Variants in RAE1 observed in about 807,000 individuals in gnomAD.
RAE1 encodes ribonucleic acid export 1.
RAE1 carries 13 observed loss-of-function variants against 52.7 expected under a neutral mutation model. The observed-to-expected ratio is 0.25, with a 90% CI of 0.16 to 0.39. RAE1 has a LOEUF of 0.39. RAE1 is among the 10% of genes least tolerant of loss of function. The probability of loss-of-function intolerance (pLI) is 1.00; values close to 1 mark genes in which losing one functional copy is unlikely to be tolerated. For synonymous variants in RAE1, 164 were observed against 153.1 expected (o/e 1.07, Z -0.52); for missense variants, 262 against 459.8 (o/e 0.57, Z 3.93).
intron 11 of RAE1, 191 bp downstream of exon 11, chr20:57,374,992 G>A: frequency 1.4e-6 from 1 of 736,922 alleles, no homozygotes; most frequent in Non-Finnish European, 2.4e-6. Flanking sequence ...ACAGCCTTTG[G>A]CCAGAACCCA....
intron 1 of RAE1, among the ~76,000 whole-genome samples, chr20:57,353,625 G>A (rs186251509): frequency 6.6e-6 from 1 of 152,350 alleles, no homozygotes; most frequent in Non-Finnish European, 1.5e-5. Flanking sequence ...TGAAAGCACG[G>A]GGACCTGCGA....
chr20:57,370,963 T>C (rs2067027660), intron 8 of RAE1, among the ~76,000 whole-genome samples: 1 of 152,170 alleles, frequency 6.6e-6, no homozygotes, highest in African/African-American at 2.4e-5. Context: ...TCCATCTCCT[T>C]TGTTATAGCC....
At chr20:57,375,397 C>T (rs1333767419) in intron 11 of RAE1, among the ~76,000 whole-genome samples, 1 of 152,116 alleles carries the variant, frequency 6.6e-6, no homozygotes, top group Non-Finnish European at 1.5e-5. Flanking sequence ...CCCACAACAG[C>T]CTTCTAGACT....
At chr20:57,368,296 C>T (rs1260517138) in intron 7 of RAE1, among the ~76,000 whole-genome samples, 2 of 152,126 alleles carry the variant, frequency 1.3e-5, no homozygotes, top group Non-Finnish European at 2.9e-5. Context: ...TTAGAAGCCA[C>T]TGCTAGTACT....
chr20:57,363,394 T>G lies in RAE1; in HGVS notation c.289-1962T>G, dbSNP rs541230074. On this transcript the variant is annotated intron_variant, in intron 4 of 11. Coordinates refer to ENST00000395841, the MANE Select transcript of RAE1 (RefSeq NM_003610.4). The stretch of plus-strand genomic sequence containing the variant: ...CGGGTTTGGTGGCGCACACCTGTAG[T>G]CCCAGCTACTTGGGAGACTGAGGCA... 6.6e-5 allele frequency among the ~76,000 whole-genome samples: 10 copies of G among 152,188 alleles called. No individual in the cohort carries two copies. The South Asian group carries it at 2.1e-3, about 32-fold the overall frequency.
intron 11 of RAE1, 40 bp from the exon 12 acceptor site, chr20:57,377,973 T>C: frequency 6.8e-7 from 1 of 1,477,654 alleles, no homozygotes; most frequent in South Asian, 1.2e-5. Flanking sequence ...CTAACTTTCT[T>C]TTGAATAATA....
In RAE1 at chr20:57,368,695, C is replaced by T. The variant is rs1232706688; in HGVS notation, c.535-10C>T. The T allele has an allele frequency of 5.7e-6, 9 of 1,592,014 alleles. No homozygotes were observed. The highest frequency in any genetic ancestry group is 1.7e-5 in the Admixed American group (1 of 59,842). ...CCTGAAGCGCATCTCTGTTTTCTTC[C>T]ATTCCCTAGATATACCCCATGGCTG... On this transcript the variant is annotated splice_polypyrimidine_tract_variant and intron_variant, in intron 7 of 11. Transcript: ENST00000395841.
At chr20:57,370,104 TC>T (rs2067013772) in intron 8 of RAE1, among the ~76,000 whole-genome samples, 1 of 152,156 alleles carries the variant, frequency 6.6e-6, no homozygotes. Flanking sequence ...CCCCACATCC[TC>T]CTCCAGTACT....
chr20:57,377,813 A>G (rs1005225975), intron 11 of RAE1, among the ~76,000 whole-genome samples, 200 bp from the exon 12 acceptor site: 2 of 152,168 alleles, frequency 1.3e-5, no homozygotes, highest in African/African-American at 4.8e-5. Context: ...TTGATGACAC[A>G]CTGGTACCAA....
At chr20:57,375,038 C>G (rs1206372771) in intron 11 of RAE1, 3 of 706,360 alleles carry the variant, frequency 4.2e-6, no homozygotes, top group Non-Finnish European at 7.7e-6. Context: ...TGAGCCATTA[C>G]GGGCTGCTCT....
At chr20:57,376,627 C>T (rs536775379) in intron 11 of RAE1, among the ~76,000 whole-genome samples, 4 of 152,290 alleles carry the variant, frequency 2.6e-5, no homozygotes, top group East Asian at 1.9e-4. Flanking sequence ...TATCCATTCA[C>T]CTGTGTAAGC....
intron 5 of RAE1, among the ~76,000 whole-genome samples, chr20:57,366,522 T>C (rs1385124813): frequency 6.6e-6 from 1 of 152,114 alleles, no homozygotes; most frequent in Non-Finnish European, 1.5e-5. Flanking sequence ...AACTCACTAT[T>C]GTGAGGACTG....
At chr20:57,353,630 C>T (rs965327248) in intron 1 of RAE1, among the ~76,000 whole-genome samples, 3 of 152,226 alleles carry the variant, frequency 2.0e-5, no homozygotes, top group African/African-American at 7.2e-5. Context: ...GCACGGGGAC[C>T]TGCGATCTTG....
intron 4 of RAE1, chr20:57,359,009 G>T: frequency 6.6e-7 from 1 of 1,522,700 alleles, no homozygotes; most frequent in Non-Finnish European, 8.8e-7. Context: ...CTGGTTGAAA[G>T]TAAGAGACAG....
At chr20:57,352,093 T>C (rs904055567) in intron 1 of RAE1, 4 of 645,666 alleles carry the variant, frequency 6.2e-6, no homozygotes, top group East Asian at 1.4e-4. Flanking sequence ...AGATTAGATA[T>C]GTTAAAGTTG....
At chr20:57,366,491 T>C (rs1385397280) in intron 5 of RAE1, among the ~76,000 whole-genome samples, 2 of 152,156 alleles carry the variant, frequency 1.3e-5, no homozygotes, top group African/African-American at 4.8e-5. Flanking sequence ...TGCCATACTT[T>C]ACAACAGCCA....
Position 57,356,503 on chromosome 20 carries a change from C to T in RAE1, c.253C>T (p.His85Tyr). 6.2e-7 allele frequency: 1 copy of T among 1,613,312 alleles called. No individual in the cohort carries two copies. Among genetic ancestry groups the T allele is most frequent in the Non-Finnish European group, 8.5e-7 (1 of 1,179,434 alleles). Residue 85 changes from histidine to tyrosine, a missense_variant, in exon 4 of 12, where the codon CAC becomes TAC. Transcript: ENST00000395841. The part of the protein sequence containing the change: ...GQTIPKAQQM[H>Y]TGPVLDVCWS... The stretch of plus-strand genomic sequence containing the variant: ...GACCATTCCAAAAGCCCAGCAGATG[C>T]ACACTGGGCCTGTGCTTGATGTCTG...
intron 8 of RAE1, among the ~76,000 whole-genome samples, 183 bp downstream of exon 8, chr20:57,368,995 A>G (rs1182873265): frequency 6.6e-6 from 1 of 152,230 alleles, no homozygotes; most frequent in East Asian, 1.9e-4. Flanking sequence ...GTATCCCTGG[A>G]TGAACTGAAT....
At chr20:57,373,868 T>A (rs2067072379) in intron 10 of RAE1, 130 bp downstream of exon 10, 1 of 974,788 alleles carries the variant, frequency 1.0e-6, no homozygotes, top group Non-Finnish European at 1.6e-6. Context: ...GATAAGTGGC[T>A]TATGCTGTAG....
Sources: allele counts gnomAD v4.1 joint callset (sites outside exome capture counted in the v4.1 genomes callset), GRCh38; gene constraint gnomAD v4.1.1; transcripts MANE v1.5; gene names NCBI Gene and HGNC (gene_info 2026-07-23, HGNC 2026-07-21).